The following PIWIL2 variants were observed in gnomAD, a reference collection of about 807,000 sequenced individuals.
PIWIL2 encodes piwi like RNA-mediated gene silencing 2.
Under a neutral mutation model 116.5 loss-of-function variants are expected in PIWIL2, and 81 were observed. The ratio of observed to expected loss-of-function variants is 0.70; its 90% CI spans 0.58 to 0.84. The LOEUF is 0.84. Among genes scored for constraint, PIWIL2 ranks in the 40% least tolerant of loss-of-function variants. PIWIL2 has a pLI of 0.00. For synonymous variants in PIWIL2, 489 were observed against 429.5 expected, an observed-to-expected ratio of 1.14 and a Z score of -1.71; for missense variants, 1,272 against 1,212.3, an observed-to-expected ratio of 1.05 and a Z score of -0.73.
intron 1 of PIWIL2, among the ~76,000 whole-genome samples, chr8:22,277,970 A>G (rs1431762399): frequency 1.3e-5 from 2 of 151,840 alleles, no homozygotes; most frequent in African/African-American, 2.4e-5. Flanking sequence ...GGAGTTCGAG[A>G]CCAGCCTGAC....
At chr8:22,319,722 C>A (rs1563397273) in intron 20 of PIWIL2, among the ~76,000 whole-genome samples, 1 of 152,198 alleles carries the variant, frequency 6.6e-6, no homozygotes, top group Admixed American at 6.6e-5. Context: ...CTTTGGGCCT[C>A]CTCCTTGCAT....
At chr8:22,330,899 A>G (rs1391857761) in intron 20 of PIWIL2, among the ~76,000 whole-genome samples, 2 of 150,514 alleles carry the variant, frequency 1.3e-5, no homozygotes, top group Admixed American at 1.3e-4. Context: ...TAAGCTGGGC[A>G]CGAGGTGGCT....
intron 20 of PIWIL2, among the ~76,000 whole-genome samples, chr8:22,334,567 G>A (rs565050327): frequency 1.3e-5 from 2 of 151,600 alleles, no homozygotes; most frequent in East Asian, 2.0e-4. Context: ...ATTTTGATAG[G>A]TACATGACTT....
Position 22,284,275 on chromosome 8 carries a change from A to G in PIWIL2, c.743+3A>G, listed in dbSNP as rs937814935. ...TATCAATATCATGTGACTTTCAGGT[A>G]TTCACAGCTTTCCTTTGTATTGTTC... On this transcript the variant is annotated splice_donor_region_variant and intron_variant, in intron 6 of 22. Coordinates refer to ENST00000356766, the MANE Select transcript of PIWIL2 (RefSeq NM_018068.5). The G allele has an allele frequency of 1.4e-6, 2 of 1,454,684 alleles. No homozygotes were observed. The highest frequency in any genetic ancestry group is 2.3e-5 in the East Asian group (1 of 44,050). 90.1% of individuals were successfully genotyped at this position (1,454,684 alleles called of 1,614,324 possible).
chr8:22,306,347 G>A (rs1831177703), intron 13 of PIWIL2, among the ~76,000 whole-genome samples: 1 of 152,182 alleles, frequency 6.6e-6, no homozygotes, highest in Non-Finnish European at 1.5e-5. Context: ...TATGACCATG[G>A]GTGAGGTTCT....
chr8:22,276,776 G>A (rs1830382911), intron 1 of PIWIL2, among the ~76,000 whole-genome samples: 2 of 152,012 alleles, frequency 1.3e-5, no homozygotes, highest in Admixed American at 6.6e-5. Flanking sequence ...GGTGGCAGGT[G>A]CCTGAAGTCC....
At chr8:22,303,966 T>C (rs1009307320) in intron 10 of PIWIL2, 55 bp from the exon 11 acceptor site, 2 of 1,161,504 alleles carry the variant, frequency 1.7e-6, no homozygotes, top group East Asian at 4.8e-5. Context: ...CCTATCCCTT[T>C]CATACTGTTC....
chr8:22,352,834 C>G lies in PIWIL2; in HGVS notation c.2404-125C>G. ...TTTCCCTGCCCTCTAGGCACAGTAG[C>G]TTTGGCACTAACTGCAAAAGGATCT... On this transcript the variant is annotated intron_variant, in intron 20 of 22. Transcript: ENST00000356766. The G allele has an allele frequency of 9.5e-6, 9 of 947,886 alleles. No individual in the cohort carries two copies. The South Asian group carries it at 1.1e-4, about 12-fold the overall frequency. The allele number at this position is 947,886 out of a possible 1,614,324, so 58.7% of individuals were successfully genotyped here.
intron 20 of PIWIL2, chr8:22,352,727 TG>T: frequency 4.4e-6 from 2 of 458,974 alleles, no homozygotes; most frequent in Non-Finnish European, 7.7e-6. Flanking sequence ...TTGCATGTTT[TG>T]CTTTCATGTT....
chr8:22,354,174 A>G, intron 21 of PIWIL2, 97 bp from the exon 22 acceptor site: 1 of 793,620 alleles, frequency 1.3e-6, no homozygotes, highest in Non-Finnish European at 2.2e-6. Context: ...GAGCTCTCTG[A>G]GCTTTAGTTG....
At chr8:22,278,115 C>T (rs1405406742) in intron 1 of PIWIL2, among the ~76,000 whole-genome samples, 1 of 151,806 alleles carries the variant, frequency 6.6e-6, no homozygotes, top group South Asian at 2.1e-4. Context: ...TTGCGGTGAG[C>T]CAAGATTGCA....
intron 20 of PIWIL2, among the ~76,000 whole-genome samples, chr8:22,351,440 C>T (rs4872475): frequency 0.053 from 2,659 of 49,882 alleles, 149 homozygotes; most frequent in East Asian, 0.11. Context: ...TGCATACATA[C>T]ATATATATAT....
chr8:22,284,187 A>G lies in PIWIL2; in HGVS notation c.658A>G (p.Lys220Glu). 6.3e-7 allele frequency: 1 copy of G among 1,596,974 alleles called. No individual in the cohort carries two copies. Among genetic ancestry groups the G allele is most frequent in the South Asian group, 1.1e-5 (1 of 87,684 alleles). ...AGAGCTTATTGTGAAGCAAGGATCA[A>G]AAGGAACACCTCAGTCTTTGGGACT... ...EKELIVKQGS[K>E]GTPQSLGLNL... Residue 220 changes from lysine (K) to glutamate (E), a missense_variant, in exon 6 of 23, where the codon AAA becomes GAA. Physicochemically the swap from Lys to Glu is moderately conservative, Grantham distance 56. Transcript: ENST00000356766.
intron 13 of PIWIL2, among the ~76,000 whole-genome samples, chr8:22,307,314 G>A (rs954498082): frequency 4.0e-5 from 6 of 151,878 alleles, no homozygotes; most frequent in Admixed American, 1.3e-4. Context: ...GAGCCACTGT[G>A]CCAGGCCCCA....
intron 20 of PIWIL2, among the ~76,000 whole-genome samples, chr8:22,327,587 A>G (rs890469452): frequency 1.3e-4 from 20 of 148,742 alleles, no homozygotes; most frequent in Non-Finnish European, 2.2e-4. Context: ...GGCTGGTCTC[A>G]AGCTCCCGAC....
intron 13 of PIWIL2, 104 bp downstream of exon 13, chr8:22,306,120 T>C (rs1831172033): frequency 1.3e-6 from 1 of 772,748 alleles, no homozygotes; most frequent in South Asian, 1.5e-5. Context: ...TGATGTTGGC[T>C]TGCATTGTAA....
In PIWIL2 at chr8:22,356,689, C is replaced by T. The variant is rs1470383148; in HGVS notation, c.*1184C>T. ...TACCCCCTTTCTCTTGCAAAATAAC[C>T]GCTTCCTGGCTGTTGGCTCACTTTG... On this transcript the variant is annotated 3_prime_UTR_variant, in exon 23 of 23. Transcript: ENST00000356766. 1 of 152,028 alleles carries T rather than the reference C, an allele frequency of 6.6e-6. No homozygotes were observed. The highest frequency in any genetic ancestry group is 2.4e-5 in the African/African-American group (1 of 41,380). The allele number at this position is 152,028 out of a possible 1,614,324, so 9.4% of individuals were successfully genotyped here.
Position 22,281,096 on chromosome 8 carries a change from A to G in PIWIL2, c.199-24A>G, listed in dbSNP as rs764525589. On this transcript the variant is annotated intron_variant, in intron 2 of 22. Transcript: ENST00000356766. The stretch of plus-strand genomic sequence containing the variant: ...CTGGGGTTTTAAACTACCTCTTAGA[A>G]CTTTATTCTTTGACTTTCCACAGGA... The G allele has an allele frequency of 2.1e-5, 32 of 1,520,430 alleles. No individual in the cohort carries two copies. In the South Asian group the frequency reaches 3.8e-4, roughly 18 times the overall value. 94.2% of individuals were successfully genotyped at this position (1,520,430 alleles called of 1,614,324 possible).
intron 20 of PIWIL2, among the ~76,000 whole-genome samples, chr8:22,327,422 C>T (rs1045610920): frequency 6.8e-6 from 1 of 146,978 alleles, no homozygotes; most frequent in Non-Finnish European, 1.5e-5. Context: ...GGCTGGAGTG[C>T]AATGGCGCGA....
Sources: gnomAD v4.1 joint callset for allele counts (sites outside exome capture counted in the v4.1 genomes callset) on GRCh38, gnomAD v4.1.1 for gene constraint, MANE v1.5 for transcripts, NCBI Gene and HGNC (gene_info 2026-07-23, HGNC 2026-07-21) for gene names.